The following SCAPER variants were observed in gnomAD, a reference collection of about 807,000 sequenced individuals.
SCAPER encodes S phase cyclin A-associated protein in the endoplasmic reticulum.
In SCAPER, 98 loss-of-function variants were observed where a neutral mutation model predicts 182.2. The observed-to-expected ratio is 0.54, with a 90% CI of 0.46 to 0.64. SCAPER has a LOEUF of 0.64. SCAPER is among the 30% of genes least tolerant of loss of function. The pLI is 0.00. For synonymous variants in SCAPER, 605 were observed against 564.6 expected (o/e 1.07, Z -1.01); for missense variants, 1,432 against 1,690.0 (o/e 0.85, Z 2.68).
At chr15:76,398,141 C>G (rs991798212) in intron 27 of SCAPER, among the ~76,000 whole-genome samples, 1 of 152,134 alleles carries the variant, frequency 6.6e-6, no homozygotes, top group Non-Finnish European at 1.5e-5. Flanking sequence ...ATGTTCTAAT[C>G]TTTTCCATCT....
At chr15:76,576,342 G>A (rs901129375) in intron 22 of SCAPER, among the ~76,000 whole-genome samples, 12 of 152,154 alleles carry the variant, frequency 7.9e-5, no homozygotes, top group Admixed American at 5.9e-4. Context: ...CCGGGCAACA[G>A]AGTGAGACCT....
intron 2 of SCAPER, among the ~76,000 whole-genome samples, chr15:76,874,692 C>T (rs2073021745): frequency 6.6e-6 from 1 of 152,198 alleles, no homozygotes; most frequent in East Asian, 1.9e-4. Flanking sequence ...CACCGTGGCT[C>T]ACACCTGTAA....
chr15:76,799,111 T>A (rs1265771465), intron 7 of SCAPER, among the ~76,000 whole-genome samples: 1 of 152,170 alleles, frequency 6.6e-6, no homozygotes, highest in African/African-American at 2.4e-5. Context: ...AATAATGTAA[T>A]TTGTATGACA....
intron 26 of SCAPER, among the ~76,000 whole-genome samples, chr15:76,406,386 G>A (rs1442381343): frequency 6.6e-6 from 1 of 152,098 alleles, no homozygotes; most frequent in Non-Finnish European, 1.5e-5. Flanking sequence ...GCTGAGGCAG[G>A]AGAATCGCTT....
chr15:76,374,010 C>T (rs2042367788), intron 29 of SCAPER, among the ~76,000 whole-genome samples: 1 of 151,680 alleles, frequency 6.6e-6, no homozygotes, highest in South Asian at 2.1e-4. Context: ...TATTCCTGCC[C>T]AGATCTAGTT....
chr15:76,870,185 A>AT (rs1233316143), intron 2 of SCAPER, among the ~76,000 whole-genome samples: 1 of 152,186 alleles, frequency 6.6e-6, no homozygotes, highest in East Asian at 1.9e-4. Flanking sequence ...TGTTAGATAG[A>AT]TCAGAGGGGT....
chr15:76,815,542 C>CGTGTG (rs2067002922), intron 5 of SCAPER, among the ~76,000 whole-genome samples: 1 of 152,188 alleles, frequency 6.6e-6, no homozygotes, highest in South Asian at 2.1e-4. Context: ...CTACTACACA[C>CGTGTG]CTACGTTATA....
chr15:76,678,858 A>T (rs2057522629), intron 20 of SCAPER, among the ~76,000 whole-genome samples: 1 of 152,154 alleles, frequency 6.6e-6, no homozygotes, highest in Admixed American at 6.5e-5. Flanking sequence ...ACTAACATTT[A>T]ATTCAAAACC....
intron 25 of SCAPER, among the ~76,000 whole-genome samples, chr15:76,452,471 C>T (rs181998304): frequency 1.3e-5 from 2 of 152,198 alleles, no homozygotes; most frequent in East Asian, 1.9e-4. Context: ...TCATCCCCTT[C>T]GAGGAATTTT....
chr15:76,635,990 A>T (rs895327969), intron 21 of SCAPER, among the ~76,000 whole-genome samples: 1 of 152,206 alleles, frequency 6.6e-6, no homozygotes, highest in African/African-American at 2.4e-5. Context: ...ACCTATATTC[A>T]TAAGGGACAT....
intron 8 of SCAPER, among the ~76,000 whole-genome samples, chr15:76,785,849 G>T (rs911702158): frequency 1.3e-5 from 2 of 152,056 alleles, no homozygotes; most frequent in Non-Finnish European, 2.9e-5. Context: ...ACACAGGGTG[G>T]GGAACATCAC....
rs1383697510 is a variant in SCAPER at position 76,840,996 on chromosome 15, G to GA, written c.393+737dup. 6.6e-5 allele frequency among the ~76,000 whole-genome samples: 10 copies of GA among 152,286 alleles called. No homozygotes were observed. The East Asian group carries it at 1.9e-3, about 29-fold the overall frequency. ...TAGAAGAGTGATAAGTATCTCAATG[G>GA]AAAGGGAGTAATGTCCAATTAGACA... On this transcript the variant is annotated intron_variant, in intron 5 of 31. Coordinates refer to ENST00000563290, the MANE Select transcript of SCAPER (RefSeq NM_020843.4).
At chr15:76,640,543 TC>T (rs2054017644) in intron 21 of SCAPER, among the ~76,000 whole-genome samples, 1 of 152,220 alleles carries the variant, frequency 6.6e-6, no homozygotes, top group African/African-American at 2.4e-5. Flanking sequence ...TCAACCCCAT[TC>T]AATGGGTAAA....
intron 25 of SCAPER, among the ~76,000 whole-genome samples, chr15:76,458,211 GAT>G (rs755873129): frequency 2.6e-5 from 4 of 151,072 alleles, no homozygotes; most frequent in African/African-American, 7.3e-5. Flanking sequence ...TCTCCTTATA[GAT>G]ATATATACAC....
At chr15:76,411,042 C>T (rs1016861229) in intron 26 of SCAPER, among the ~76,000 whole-genome samples, 1 of 152,046 alleles carries the variant, frequency 6.6e-6, no homozygotes, top group Admixed American at 6.6e-5. Flanking sequence ...TCTACATAAC[C>T]ATCCATAAAA....
intron 29 of SCAPER, among the ~76,000 whole-genome samples, chr15:76,374,694 T>A (rs923849768): frequency 6.6e-6 from 1 of 151,730 alleles, no homozygotes; most frequent in African/African-American, 2.4e-5. Flanking sequence ...TTGGTGAGTA[T>A]GTGGCTGGTC....
chr15:76,771,084 T>TTAAG (rs753408452), intron 10 of SCAPER, among the ~76,000 whole-genome samples: 7 of 152,062 alleles, frequency 4.6e-5, no homozygotes, highest in East Asian at 1.9e-4. Context: ...AAAGTAAAAA[T>TTAAG]TAAGTAATTT....
At chr15:76,527,063 A>G (rs2043260211) in intron 23 of SCAPER, among the ~76,000 whole-genome samples, 1 of 151,924 alleles carries the variant, frequency 6.6e-6, no homozygotes, top group Non-Finnish European at 1.5e-5. Flanking sequence ...TTTAGTAGAG[A>G]CAGGGTTTCA....
rs141237647 is a variant in SCAPER, at chr15:76,875,414, T to C, written c.6+8398A>G. On this transcript the variant is annotated intron_variant, in intron 2 of 31. Transcript: ENST00000563290. ...CCAGAAAAACTTTGGCAGGCCAAAGTAGGCGGATCACTTGAGGTCAGGAGT... is the reference window on the plus strand; with the variant it reads ...CCAGAAAAACTTTGGCAGGCCAAAGCAGGCGGATCACTTGAGGTCAGGAGT... Among the ~76,000 whole-genome samples, 1,496 of 152,222 alleles carry C rather than the reference T, an allele frequency of 9.8e-3. 14 individuals carry two copies. The highest frequency in any genetic ancestry group is 0.016 in the Non-Finnish European group (1,093 of 68,002).
Sources: allele counts gnomAD v4.1 joint callset (sites outside exome capture counted in the v4.1 genomes callset), GRCh38; gene constraint gnomAD v4.1.1; transcripts MANE v1.5; gene names NCBI Gene and HGNC (gene_info 2026-07-23, HGNC 2026-07-21).